Variants in DDX23 observed in about 807,000 individuals in gnomAD.
DDX23 encodes DEAD-box helicase 23, also known as probable ATP-dependent RNA helicase DDX23.
A neutral mutation model predicts 102.7 loss-of-function variants in DDX23; 33 were observed. That is an observed-to-expected ratio of 0.32 (90% CI 0.24 to 0.43). The LOEUF is 0.43. Ranked by LOEUF, DDX23 falls within the 20% of genes least tolerant of loss-of-function variation. The pLI, the probability that DDX23 is intolerant of heterozygous loss-of-function variation, is 1.00. For synonymous variants in DDX23, 352 were observed against 376.0 expected (o/e 0.94, Z 0.74); for missense variants, 549 against 1,086.6 (o/e 0.51, Z 6.96).
chr12:48,832,726 T>C lies in DDX23; in HGVS notation c.1804-153A>G. On this transcript the variant is annotated intron_variant, in intron 13 of 16. Transcript: ENST00000308025. This position sits in a 1 kb window ranked among gnomAD's most constrained non-coding sequence, Gnocchi z 4.4. ...ACCTTAGAAAATAGTGTCCTCTGAA[T>C]TCCCATCCTTCCTGAGTACCTGCTC... 1 of 927,172 alleles carries C rather than the reference T, an allele frequency of 1.1e-6. No individual in the cohort carries two copies. Among genetic ancestry groups the C allele is most frequent in the East Asian group, 2.7e-5 (1 of 36,864 alleles). 57.4% of individuals were successfully genotyped at this position (927,172 alleles called of 1,614,324 possible). A position where few individuals can be genotyped will look rare whatever the true frequency, so the allele number is the denominator to read the frequency against.
At chr12:48,833,154 T>G (rs1420585682) in intron 13 of DDX23, 123 bp downstream of exon 13, 1 of 1,459,854 alleles carries the variant, frequency 6.9e-7, no homozygotes, top group Non-Finnish European at 9.3e-7. Flanking sequence ...CCAGCTAATT[T>G]TTTAAATTTT....
At position 48,830,206 on chromosome 12, in the gene DDX23, G is replaced by C. The variant is rs1212020201; in HGVS notation, c.*263C>G. Reference sequence around the variant, plus strand: ...TAGCCTGGCATGAGCTGATGGCCCAGTGCAATCCCAAAGCAAAGAAGGGCA... The same window carrying C: ...TAGCCTGGCATGAGCTGATGGCCCACTGCAATCCCAAAGCAAAGAAGGGCA... On this transcript the variant is annotated 3_prime_UTR_variant, in exon 17 of 17. Coordinates refer to ENST00000308025, the MANE Select transcript of DDX23 (RefSeq NM_004818.3). This position sits in a 1 kb window ranked among gnomAD's most constrained non-coding sequence, Gnocchi z 4.9. The C allele has an allele frequency of 3.3e-6, 2 of 605,752 alleles. No homozygotes were observed. The highest frequency in any genetic ancestry group is 3.0e-5 in the South Asian group (2 of 65,922). The allele number at this position is 605,752 out of a possible 1,614,324, so 37.5% of individuals were successfully genotyped here.
chr12:48,846,228 G>A (rs1938664732), intron 1 of DDX23, among the ~76,000 whole-genome samples: 1 of 152,156 alleles, frequency 6.6e-6, no homozygotes, highest in African/African-American at 2.4e-5. Context: ...GCCTCTAAAA[G>A]GCTGAGATTA....
intron 1 of DDX23, among the ~76,000 whole-genome samples, chr12:48,850,918 A>C (rs1004456732): frequency 6.6e-6 from 1 of 152,046 alleles, no homozygotes; most frequent in Non-Finnish European, 1.5e-5. Context: ...AATGAGAAGA[A>C]GACAGTAAAT....
chr12:48,836,840 C>CCTTTCTGTA lies in DDX23; in HGVS notation c.1010+45_1011-47dup. ...TAAGTAGAATCAGTGCCCTCCAACT[C>CCTTTCTGTA]CTTTCTGTAGAGCCTCTGGGCTCTG... On this transcript the variant is annotated intron_variant, in intron 9 of 16. Coordinates refer to ENST00000308025, the MANE Select transcript of DDX23 (RefSeq NM_004818.3). The surrounding 1 kb of genome is among the most constrained non-coding windows in gnomAD (Gnocchi z 6.1). 1 of 1,613,324 alleles carries CCTTTCTGTA rather than the reference C, an allele frequency of 6.2e-7. No individual in the cohort carries two copies.
intron 2 of DDX23, among the ~76,000 whole-genome samples, chr12:48,844,890 C>T (rs1938638713): frequency 6.6e-6 from 1 of 151,606 alleles, no homozygotes; most frequent in Non-Finnish European, 1.5e-5. Context: ...TGGTGGCTCA[C>T]GCCCGTAATC....
chr12:48,837,112 A>G, intron 8 of DDX23, 75 bp from the exon 9 acceptor site: 1 of 1,594,028 alleles, frequency 6.3e-7, no homozygotes. Flanking sequence ...GACTACTAGT[A>G]TGAAACAGTT....
intron 1 of DDX23, among the ~76,000 whole-genome samples, chr12:48,850,595 A>C (rs370703561): frequency 1.7e-4 from 26 of 152,346 alleles, no homozygotes; most frequent in South Asian, 1.7e-3. Context: ...AATAGAGAAG[A>C]AGCTCCAGAA....
intron 1 of DDX23, among the ~76,000 whole-genome samples, chr12:48,847,931 C>T (rs1938694576): frequency 6.6e-6 from 1 of 152,248 alleles, no homozygotes; most frequent in Non-Finnish European, 1.5e-5. Flanking sequence ...AACAAATATT[C>T]ACCGAGCACC....
chr12:48,851,895 C>T (rs928118539), intron 1 of DDX23, among the ~76,000 whole-genome samples, 189 bp downstream of exon 1: 13 of 152,224 alleles, frequency 8.5e-5, no homozygotes, highest in Admixed American at 8.5e-4. Context: ...GTGGCCTGTG[C>T]CCGGAGGAGC....
In DDX23 at chr12:48,836,466, C is replaced by T; in HGVS notation, c.1236+103G>A. 1 of 1,299,486 alleles carries T rather than the reference C, an allele frequency of 7.7e-7. No individual in the cohort carries two copies. The highest frequency in any genetic ancestry group is 1.1e-6 in the Non-Finnish European group (1 of 922,124). 80.5% of individuals were successfully genotyped at this position (1,299,486 alleles called of 1,614,324 possible). ...GTGACAGAAAAGGTCACATTGGTGC[C>T]CACTAGCAGCGATGGCTCCAAATAG... On this transcript the variant is annotated intron_variant, in intron 10 of 16. Transcript: ENST00000308025. This position sits in a 1 kb window ranked among gnomAD's most constrained non-coding sequence, Gnocchi z 6.1.
Position 48,838,008 on chromosome 12 carries a change from G to A in DDX23, c.553C>T (p.Gln185Ter). 6.2e-7 allele frequency: 1 copy of A among 1,614,096 alleles called. No individual in the cohort carries two copies. The highest frequency in any genetic ancestry group is 8.5e-7 in the Non-Finnish European group (1 of 1,180,030). ...TTCCTCTCTTCTTCAAGCATCCTCT[G>A]CCGCTCTTCCACCTCCTGCTGCCGT... is the stretch of plus-strand genomic sequence containing the variant. Reference protein sequence around the residue: ...KRRQQEVEERQRMLEEERKKR... With the variant: ...KRRQQEVEER The change falls in exon 6 of 17, where the codon CAG becomes TAG. Residue 185 changes from glutamine to a stop codon, truncating the protein, a stop_gained. Transcript: ENST00000308025. LOFTEE classifies it high-confidence loss of function.
intron 3 of DDX23, 55 bp from the exon 4 acceptor site, chr12:48,840,161 G>A (rs1247124231): frequency 2.8e-6 from 4 of 1,408,688 alleles, no homozygotes; most frequent in Admixed American, 1.7e-5. Context: ...CCTGGATGAG[G>A]TTCAAGTTGA....
At chr12:48,841,180 G>A (rs549401025) in intron 3 of DDX23, among the ~76,000 whole-genome samples, 80 of 151,972 alleles carry the variant, frequency 5.3e-4, no homozygotes, top group Non-Finnish European at 1.0e-3. Flanking sequence ...AAGGTCAAGA[G>A]TTCGAGACCA....
chr12:48,830,798 A>G lies in DDX23; in HGVS notation c.2240-106T>C, dbSNP rs540793740. ...TCCTTCCCACCCCATCTCCAAAGGC[A>G]GGAATACAGCACATGCTGCCTGAAC... On this transcript the variant is annotated intron_variant, in intron 16 of 16. Transcript: ENST00000308025. This position sits in a 1 kb window ranked among gnomAD's most constrained non-coding sequence, Gnocchi z 4.9. 1.2e-5 allele frequency: 14 copies of G among 1,211,580 alleles called. No homozygotes were observed. Among genetic ancestry groups the G allele is most frequent in the Admixed American group, 2.5e-5 (1 of 39,422 alleles). The allele number at this position is 1,211,580 out of a possible 1,614,324, so 75.1% of individuals were successfully genotyped here.
At chr12:48,842,279 TCAGCCCCCGGCCCGGC>T (rs1421989171) in intron 3 of DDX23, among the ~76,000 whole-genome samples, 1 of 110,942 alleles carries the variant, frequency 9.0e-6, no homozygotes, top group African/African-American at 3.6e-5. Context: ...GGTGGGGGGG[TCAGCCCCCGGCCCGGC>T]CAGCCGCCCT....
Position 48,836,558 on chromosome 12 carries a change from T to TC in DDX23, c.1236+10dup. On this transcript the variant is annotated intron_variant, in intron 10 of 16. Coordinates refer to ENST00000308025, the MANE Select transcript of DDX23 (RefSeq NM_004818.3). This position sits in a 1 kb window ranked among gnomAD's most constrained non-coding sequence, Gnocchi z 6.1. Reference sequence around the variant, plus strand: ...ATGTCAGATCTCTTGGGCCAATCTATCCCTCCTTACCTTGTAGCCACACTT... The same window carrying TC: ...ATGTCAGATCTCTTGGGCCAATCTATCCCCTCCTTACCTTGTAGCCACACTT... 6.2e-7 allele frequency: 1 copy of TC among 1,610,822 alleles called. No homozygotes were observed. The highest frequency in any genetic ancestry group is 8.5e-7 in the Non-Finnish European group (1 of 1,178,322).
chr12:48,838,804 G>C (rs1031928422), intron 5 of DDX23, among the ~76,000 whole-genome samples: 5 of 151,954 alleles, frequency 3.3e-5, no homozygotes, highest in African/African-American at 1.2e-4. Flanking sequence ...AGTGAGCCGA[G>C]ATCATGCCAC....
At chr12:48,840,131 A>C in intron 3 of DDX23, 25 bp from the exon 4 acceptor site, 1 of 1,576,242 alleles carries the variant, frequency 6.3e-7, no homozygotes, top group South Asian at 1.1e-5. Context: ...AACAAGGTCC[A>C]CATCACTCTT....
Sources: allele counts gnomAD v4.1 joint callset (sites outside exome capture counted in the v4.1 genomes callset), GRCh38; gene constraint gnomAD v4.1.1; non-coding constraint Gnocchi (gnomAD v3.1); transcripts MANE v1.5; gene names NCBI Gene and HGNC (gene_info 2026-07-23, HGNC 2026-07-21).